Variants in C5orf22 observed in about 807,000 individuals in gnomAD.
The protein encoded by C5orf22 is UPF0489 protein C5orf22.
In C5orf22, 36 loss-of-function variants were observed where a neutral mutation model predicts 48.7. That is an observed-to-expected ratio of 0.74 (90% CI 0.57 to 0.98). The LOEUF is 0.98. Among genes scored for constraint, C5orf22 ranks in the 50% least tolerant of loss-of-function variants. The pLI is 0.00. For missense variants in C5orf22, 486 were observed against 521.9 expected (o/e 0.93, Z 0.67); for synonymous variants, 141 against 180.8 (o/e 0.78, Z 1.76).
At chr5:31,535,282 CTG>C (rs1258178984) in intron 2 of C5orf22, among the ~76,000 whole-genome samples, 1 of 152,176 alleles carries the variant, frequency 6.6e-6, no homozygotes, top group Non-Finnish European at 1.5e-5. Flanking sequence ...CTTGAGACAA[CTG>C]TTATGCTTCA....
intron 3 of C5orf22, chr5:31,538,041 C>T: frequency 2.1e-6 from 1 of 468,510 alleles, no homozygotes; most frequent in Admixed American, 3.6e-5. Context: ...CCACACCAGG[C>T]TGCAAGGCAG....
chr5:31,544,586 A>G (rs1225213743), intron 6 of C5orf22, among the ~76,000 whole-genome samples: 1 of 147,318 alleles, frequency 6.8e-6, no homozygotes, highest in Non-Finnish European at 1.5e-5. Context: ...TCTTGTCTCA[A>G]AAAAAAAAAA....
chr5:31,543,590 ATCAGTTAATGC>A (rs781190226), intron 6 of C5orf22, among the ~76,000 whole-genome samples: 1 of 152,186 alleles, frequency 6.6e-6, no homozygotes, highest in Non-Finnish European at 1.5e-5. Flanking sequence ...AGAAAAAAAA[ATCAGTTAATGC>A]TTTTTCCTCT....
chr5:31,535,977 T>A, intron 3 of C5orf22, 84 bp downstream of exon 3: 3 of 1,355,972 alleles, frequency 2.2e-6, no homozygotes, highest in Non-Finnish European at 3.1e-6. Flanking sequence ...CATAAGTCTC[T>A]GCACACAAAT....
At position 31,535,812 on chromosome 5, in the gene C5orf22, T is replaced by A. The variant is rs1417651487; in HGVS notation, c.296T>A (p.Phe99Tyr). 6.2e-7 allele frequency: 1 copy of A among 1,613,292 alleles called. No homozygotes were observed. The highest frequency in any genetic ancestry group is 1.7e-5 in the Admixed American group (1 of 59,916). ...YAGHFSHVIW[F>Y]HPTWAQQIRE... ...GGCCATTTTTCACATGTAATATGGT[T>A]TCATCCCACATGGGCTCAGCAGATC... is the stretch of plus-strand genomic sequence containing the variant. The change falls in exon 3 of 9, where the codon TTT becomes TAT. Residue 99 changes from phenylalanine (F) to tyrosine (Y), a missense_variant. Physicochemically the swap from Phe to Tyr is conservative, Grantham distance 22 (BLOSUM62 3). Around this residue, in one of 3 missense-constraint regions of C5orf22, gnomAD observed 408 missense variants for 444.0 expected, o/e 0.92. Coordinates refer to ENST00000325366, the MANE Select transcript of C5orf22 (RefSeq NM_018356.3).
intron 7 of C5orf22, among the ~76,000 whole-genome samples, chr5:31,546,866 A>G (rs1038913607): frequency 6.6e-6 from 1 of 152,176 alleles, no homozygotes; most frequent in African/African-American, 2.4e-5. Flanking sequence ...CAGCCACACC[A>G]TATCATTCCA....
intron 8 of C5orf22, 145 bp from the exon 9 acceptor site, chr5:31,552,628 C>CT (rs1181254111): frequency 9.6e-6 from 6 of 628,188 alleles, no homozygotes; most frequent in Non-Finnish European, 1.6e-5. Flanking sequence ...TGGGGTAAAC[C>CT]TTCACTAGCT....
intron 7 of C5orf22, chr5:31,548,544 TC>T (rs1267898116): frequency 2.2e-6 from 1 of 450,190 alleles, no homozygotes; most frequent in East Asian, 7.1e-5. Context: ...GATTTCATTG[TC>T]CATGTCATTA....
rs775221742 is a variant in C5orf22, at chr5:31,552,880, C to T, written c.1307C>T (p.Ala436Val). 2 of 1,613,758 alleles carry T rather than the reference C, an allele frequency of 1.2e-6. No homozygotes were observed. Among genetic ancestry groups the T allele is most frequent in the South Asian group, 1.1e-5 (1 of 91,072 alleles). ...LYGNLDLQVY[A>V]AESPPS ...GGAAATCTAGACCTCCAAGTGTATG[C>T]AGCAGAGTCTCCTCCATCTTGAAAC... Residue 436 changes from alanine to valine, a missense_variant, in exon 9 of 9, where the codon GCA becomes GTA. Physicochemically the swap from Ala to Val is moderately conservative, Grantham distance 64. Around this residue, in one of 3 missense-constraint regions of C5orf22, gnomAD observed 408 missense variants for 444.0 expected, o/e 0.92. Transcript: ENST00000325366.
intron 7 of C5orf22, 33 bp from the exon 8 acceptor site, chr5:31,551,260 A>G: frequency 6.2e-7 from 1 of 1,607,232 alleles, no homozygotes; most frequent in Non-Finnish European, 8.5e-7. Context: ...AACAACTGTC[A>G]TACAGTGTAA....
intron 3 of C5orf22, among the ~76,000 whole-genome samples, chr5:31,536,486 G>C (rs1561319699): frequency 6.6e-6 from 1 of 152,152 alleles, no homozygotes; most frequent in African/African-American, 2.4e-5. Context: ...TCGTGCCACT[G>C]TACTCCAGCC....
rs35650579 is a variant in C5orf22, at chr5:31,541,105, AGTGTGTGTGTGT to A, written c.870+127_871-132del. Reference sequence around the variant, plus strand: ...CACAGTGATCTCAAAGACTGCTCAAAGTGTGTGTGTGTGTGTGTGTGTGTGTGTGTGTGTGTG... The same window carrying A: ...CACAGTGATCTCAAAGACTGCTCAAAGTGTGTGTGTGTGTGTGTGTGTGTG... On this transcript the variant is annotated intron_variant, in intron 5 of 8. Transcript: ENST00000325366. The A allele has an allele frequency of 1.3e-4, 91 of 677,190 alleles. 1 individual carries two copies. The highest frequency in any genetic ancestry group is 3.9e-4 in the Middle Eastern group (1 of 2,536). 41.9% of individuals were successfully genotyped at this position (677,190 alleles called of 1,614,324 possible).
chr5:31,553,158 T>G lies in C5orf22; in HGVS notation c.*256T>G, dbSNP rs71584569. On this transcript the variant is annotated 3_prime_UTR_variant, in exon 9 of 9. Transcript: ENST00000325366. ...TAAGTATTTTTTAGGGTTTTGTTTT[T>G]TTTTTTGTTTGTTTGTTTGTTTGTC... 0.16 allele frequency: 45,315 copies of G among 276,316 alleles called. 3,916 individuals are homozygous for G. Among genetic ancestry groups the G allele is most frequent in the African/African-American group, 0.24 (9,311 of 39,116 alleles). 17.1% of individuals were successfully genotyped at this position (276,316 alleles called of 1,614,324 possible). A position where few individuals can be genotyped will look rare whatever the true frequency, so the allele number is the denominator to read the frequency against.
chr5:31,547,340 G>A (rs923097284), intron 7 of C5orf22, among the ~76,000 whole-genome samples: 1 of 152,224 alleles, frequency 6.6e-6, no homozygotes, highest in Non-Finnish European at 1.5e-5. Flanking sequence ...GCTTTTCCAG[G>A]CACACAGTAC....
chr5:31,542,901 A>G (rs987565679), intron 6 of C5orf22, among the ~76,000 whole-genome samples: 23 of 152,196 alleles, frequency 1.5e-4, no homozygotes, highest in African/African-American at 5.1e-4. Flanking sequence ...AGCAAGATAA[A>G]ACGGGAAATT....
intron 6 of C5orf22, among the ~76,000 whole-genome samples, chr5:31,544,310 G>A (rs1256711186): frequency 2.0e-5 from 3 of 152,196 alleles, no homozygotes; most frequent in East Asian, 1.9e-4. Flanking sequence ...GTGGCCGGGC[G>A]CGATGGCTCA....
chr5:31,540,759 T>C, intron 4 of C5orf22, 190 bp from the exon 5 acceptor site: 3 of 531,580 alleles, frequency 5.6e-6, no homozygotes, highest in South Asian at 5.3e-5. Flanking sequence ...AATTTTACAA[T>C]ATTTACAATA....
chr5:31,553,066 A>AG lies in C5orf22; in HGVS notation c.*164_*165insG. On this transcript the variant is annotated 3_prime_UTR_variant, in exon 9 of 9. Transcript: ENST00000325366. ...GAACAACCATTGTCAGTTGTGAATG[A>AG]TGGTAAATTTTTTGGCATCAAGTCT... The AG allele has an allele frequency of 1.6e-6, 1 of 622,486 alleles. No homozygotes were observed. Among genetic ancestry groups the AG allele is most frequent in the Non-Finnish European group, 2.5e-6 (1 of 400,668 alleles). 38.6% of individuals were successfully genotyped at this position (622,486 alleles called of 1,614,324 possible).
At chr5:31,546,580 A>C (rs1385129550) in intron 7 of C5orf22, among the ~76,000 whole-genome samples, 2 of 152,230 alleles carry the variant, frequency 1.3e-5, no homozygotes, top group Non-Finnish European at 2.9e-5. Flanking sequence ...TTTACAAAAG[A>C]GATTTAATGG....
Sources: gnomAD v4.1 joint callset for allele counts (sites outside exome capture counted in the v4.1 genomes callset) on GRCh38, gnomAD v4.1.1 for gene constraint, gnomAD v4.1.1 regional missense constraint, MANE v1.5 for transcripts, NCBI Gene and HGNC (gene_info 2026-07-23, HGNC 2026-07-21) for gene names.